The following MACC1 variants were observed in gnomAD, a reference collection of about 807,000 sequenced individuals.
MACC1 encodes the protein MET transcriptional regulator MACC1.
A neutral mutation model predicts 70.7 loss-of-function variants in MACC1; 79 were observed. That is an observed-to-expected ratio of 1.12 (90% CI 0.93 to 1.35). The LOEUF (loss-of-function observed/expected upper bound fraction) is 1.35. MACC1 is among the 40% of genes most tolerant of loss of function. MACC1 has a pLI of 0.00. For synonymous variants in MACC1, 361 were observed against 347.2 expected (o/e 1.04, Z -0.44); for missense variants, 1,106 against 978.1 (o/e 1.13, Z -1.74).
At chr7:20,214,425 C>T (rs1283334128) in intron 1 of MACC1, among the ~76,000 whole-genome samples, 2 of 152,122 alleles carry the variant, frequency 1.3e-5, no homozygotes, top group Non-Finnish European at 2.9e-5. Context: ...TCTGGTACCT[C>T]ATCATGATTT....
At chr7:20,199,850 CAAT>C (rs1348521127) in intron 1 of MACC1, among the ~76,000 whole-genome samples, 2 of 151,878 alleles carry the variant, frequency 1.3e-5, no homozygotes, top group Non-Finnish European at 2.9e-5. Flanking sequence ...TAAATTTAAA[CAAT>C]AAAATTAAAT....
chr7:20,148,518 A>G (rs569250006), intron 6 of MACC1, among the ~76,000 whole-genome samples: 15 of 152,306 alleles, frequency 9.8e-5, no homozygotes, highest in Admixed American at 3.3e-4. Context: ...TCAAAATTAA[A>G]TAGTGTCTTT....
intron 1 of MACC1, among the ~76,000 whole-genome samples, chr7:20,216,517 C>A (rs912563714): frequency 6.6e-6 from 1 of 152,076 alleles, no homozygotes; most frequent in Non-Finnish European, 1.5e-5. Context: ...CTCCTTCCCC[C>A]AAGCCCCTGG....
At chr7:20,155,742 C>T (rs1414939607) in intron 5 of MACC1, among the ~76,000 whole-genome samples, 2 of 152,182 alleles carry the variant, frequency 1.3e-5, no homozygotes, top group Non-Finnish European at 2.9e-5. Flanking sequence ...GGTTTTGATA[C>T]ATAAATGGAT....
intron 1 of MACC1, among the ~76,000 whole-genome samples, chr7:20,171,262 T>A (rs1377083359): frequency 6.6e-6 from 1 of 151,896 alleles, no homozygotes; most frequent in Non-Finnish European, 1.5e-5. Flanking sequence ...TTTCTTTTTT[T>A]TTTTTTTGAG....
At chr7:20,192,062 AGT>A (rs1782680699) in intron 1 of MACC1, among the ~76,000 whole-genome samples, 1 of 151,194 alleles carries the variant, frequency 6.6e-6, no homozygotes, top group Admixed American at 7.0e-5. Flanking sequence ...ACTCTAAGTT[AGT>A]GACTTTAAGT....
chr7:20,197,125 T>A (rs1023136820), intron 1 of MACC1, among the ~76,000 whole-genome samples: 2 of 152,248 alleles, frequency 1.3e-5, no homozygotes, highest in Non-Finnish European at 2.9e-5. Flanking sequence ...TCCATCCCAA[T>A]GTTGGCTGAA....
intron 1 of MACC1, among the ~76,000 whole-genome samples, chr7:20,199,639 G>C (rs1782804375): frequency 6.6e-6 from 1 of 152,164 alleles, no homozygotes; most frequent in African/African-American, 2.4e-5. Flanking sequence ...AAATGAAACA[G>C]GAAGCACACA....
Position 20,140,732 on chromosome 7 carries a change from T to G in MACC1, c.*214A>C, listed in dbSNP as rs1322378336. The G allele has an allele frequency of 2.9e-5, 12 of 417,170 alleles. No individual in the cohort carries two copies. In the South Asian group the frequency reaches 5.6e-4, roughly 20 times the overall value. 25.8% of individuals were successfully genotyped at this position (417,170 alleles called of 1,614,324 possible). A position where few individuals can be genotyped will look rare whatever the true frequency, so the allele number is the denominator to read the frequency against. ...GGTTATCAGTTAGGCTGTGCTTTCA[T>G]CAGGAAAAAAAAACTGGTTTTGAGC... On this transcript the variant is annotated 3_prime_UTR_variant, in exon 7 of 7. Coordinates refer to ENST00000400331, the MANE Select transcript of MACC1 (RefSeq NM_182762.4).
At chr7:20,186,827 C>T (rs1345729178) in intron 1 of MACC1, among the ~76,000 whole-genome samples, 1 of 152,100 alleles carries the variant, frequency 6.6e-6, no homozygotes, top group African/African-American at 2.4e-5. Context: ...ATAAAACATC[C>T]TTCACTGGAA....
chr7:20,214,572 A>C (rs900176886), intron 1 of MACC1, among the ~76,000 whole-genome samples: 7 of 152,218 alleles, frequency 4.6e-5, no homozygotes, highest in Non-Finnish European at 8.8e-5. Context: ...ATCTATTGTA[A>C]TAAATAGGCA....
chr7:20,165,455 C>T (rs936981251), intron 2 of MACC1, among the ~76,000 whole-genome samples: 2 of 152,024 alleles, frequency 1.3e-5, no homozygotes, highest in African/African-American at 4.8e-5. Flanking sequence ...TCTTTCTCTA[C>T]ACAAACACAT....
intron 1 of MACC1, among the ~76,000 whole-genome samples, chr7:20,179,677 T>C (rs1052012988): frequency 8.9e-5 from 10 of 112,254 alleles, no homozygotes; most frequent in African/African-American, 3.9e-4. Flanking sequence ...CAGGAGTTGT[T>C]GTTTTTTTTG....
At chr7:20,210,263 C>A (rs1474362412) in intron 1 of MACC1, among the ~76,000 whole-genome samples, 1 of 152,076 alleles carries the variant, frequency 6.6e-6, no homozygotes, top group Non-Finnish European at 1.5e-5. Context: ...TTTTTTCAAG[C>A]AAATTTCTTT....
intron 2 of MACC1, among the ~76,000 whole-genome samples, chr7:20,170,059 C>T (rs1280811830): frequency 6.6e-6 from 1 of 152,172 alleles, no homozygotes; most frequent in Non-Finnish European, 1.5e-5. Context: ...GAAAATTTTA[C>T]CAGTGCCATG....
At chr7:20,145,070 C>A (rs1359162260) in intron 6 of MACC1, among the ~76,000 whole-genome samples, 1 of 152,140 alleles carries the variant, frequency 6.6e-6, no homozygotes, top group Non-Finnish European at 1.5e-5. Context: ...CCAGTGACAC[C>A]ACAATGGTAG....
Position 20,159,117 on chromosome 7 carries a change from A to T in MACC1, c.1244T>A (p.Val415Asp), listed in dbSNP as rs748304518. Residue 415 changes from valine (V) to aspartate (D), a missense_variant, in exon 5 of 7, where the codon GTT becomes GAT. Physicochemically the swap from Val to Asp is radical, Grantham distance 152. Transcript: ENST00000400331. ...IKKGGKNISP[V>D]VFQLWGKQSF... ...CTGCTTCCCCCAGAGCTGAAACACA[A>T]CTGGAGATATGTTTTTTCCACCCTT... The T allele has an allele frequency of 1.9e-6, 3 of 1,613,784 alleles. No homozygotes were observed. Among genetic ancestry groups the T allele is most frequent in the East Asian group, 2.2e-5 (1 of 44,856 alleles).
intron 5 of MACC1, among the ~76,000 whole-genome samples, chr7:20,156,713 T>C (rs77777538): frequency 0.02 from 3,094 of 152,212 alleles, 54 homozygotes; most frequent in Non-Finnish European, 0.031. Flanking sequence ...AATTTCAACT[T>C]CTCTAAGTAT....
intron 1 of MACC1, among the ~76,000 whole-genome samples, chr7:20,194,369 T>G (rs548797885): frequency 6.6e-6 from 1 of 152,196 alleles, no homozygotes; most frequent in Admixed American, 6.5e-5. Flanking sequence ...ACTCCAAACA[T>G]AGAAAACATG....
Sources: gnomAD v4.1 joint callset for allele counts (sites outside exome capture counted in the v4.1 genomes callset) on GRCh38, gnomAD v4.1.1 for gene constraint, MANE v1.5 for transcripts, NCBI Gene and HGNC (gene_info 2026-07-23, HGNC 2026-07-21) for gene names.